PDE4B: variants seen among roughly 807,000 people sequenced by gnomAD.
PDE4B encodes phosphodiesterase 4B.
In PDE4B, 20 loss-of-function variants were observed where a neutral mutation model predicts 82.2. The observed-to-expected ratio is 0.24, with a 90% CI of 0.17 to 0.35. The LOEUF is 0.35. PDE4B is among the 10% of genes least tolerant of loss of function. The probability of loss-of-function intolerance (pLI) is 1.00; values close to 1 mark genes in which losing one functional copy is unlikely to be tolerated. For missense variants in PDE4B, 655 were observed against 907.2 expected (o/e 0.72, Z 3.57); for synonymous variants, 320 against 318.9 (o/e 1.00, Z -0.04).
At chr1:66,290,998 G>T (rs752277357) in intron 7 of PDE4B, among the ~76,000 whole-genome samples, 8 of 151,984 alleles carry the variant, frequency 5.3e-5, no homozygotes, top group Non-Finnish European at 1.2e-4. Flanking sequence ...CAGTGACCAG[G>T]GTACCTCCTC....
rs574446156 is a variant in PDE4B at position 65,914,611 on chromosome 1, A to G, written c.42+1255A>G. On this transcript the variant is annotated intron_variant, in intron 2 of 16. Coordinates refer to ENST00000341517, the MANE Select transcript of PDE4B (RefSeq NM_002600.4). Reference sequence around the variant, plus strand: ...TAGAAAACTTTTTTTCTTAAAAAAAAAAAAAAAGGCTTGTGATTGTCCCTT... The same window carrying G: ...TAGAAAACTTTTTTTCTTAAAAAAAGAAAAAAAGGCTTGTGATTGTCCCTT... Among the ~76,000 whole-genome samples the G allele has an allele frequency of 2.6e-5, 4 of 152,094 alleles. No individual in the cohort carries two copies. In the South Asian group the frequency reaches 6.2e-4, roughly 24 times the overall value.
intron 1 of PDE4B, among the ~76,000 whole-genome samples, chr1:65,849,650 A>G (rs1420131839): frequency 6.6e-6 from 1 of 152,160 alleles, no homozygotes; most frequent in African/African-American, 2.4e-5. Flanking sequence ...AGGGAATGCC[A>G]AGGGAAGCTG....
At chr1:65,848,456 T>C (rs999272047) in intron 1 of PDE4B, among the ~76,000 whole-genome samples, 1 of 12,404 alleles carries the variant, frequency 8.1e-5, no homozygotes, top group African/African-American at 1.6e-4. Context: ...GCTTGATAAA[T>C]TTTGACATAT....
chr1:66,121,412 G>A (rs993848931), intron 3 of PDE4B, among the ~76,000 whole-genome samples: 22 of 152,196 alleles, frequency 1.4e-4, no homozygotes, highest in African/African-American at 5.1e-4. Flanking sequence ...AAGGGAAATC[G>A]TGGGAAATGA....
intron 3 of PDE4B, among the ~76,000 whole-genome samples, chr1:66,172,759 T>A (rs1275696234): frequency 7.8e-6 from 1 of 128,256 alleles, no homozygotes; most frequent in South Asian, 2.8e-4. Context: ...CTTTCCTTTT[T>A]TCATCTCCTC....
intron 3 of PDE4B, among the ~76,000 whole-genome samples, chr1:66,189,556 T>C (rs1428895128): frequency 6.6e-6 from 1 of 152,224 alleles, no homozygotes; most frequent in East Asian, 1.9e-4. Context: ...TTCTCTATAC[T>C]TCTCTTCTCG....
At chr1:65,927,458 T>TTA (rs1200449583) in intron 3 of PDE4B, among the ~76,000 whole-genome samples, 6 of 146,682 alleles carry the variant, frequency 4.1e-5, no homozygotes, top group African/African-American at 1.2e-4. Context: ...ATAATATGTA[T>TTA]TATATATATA....
intron 1 of PDE4B, among the ~76,000 whole-genome samples, chr1:65,801,183 C>T (rs369908610): frequency 3.3e-5 from 5 of 152,096 alleles, no homozygotes; most frequent in East Asian, 1.9e-4. Context: ...GGCCATCTTG[C>T]AAGGATGAGG....
At chr1:65,876,083 G>A (rs1001885562) in intron 1 of PDE4B, among the ~76,000 whole-genome samples, 1 of 152,062 alleles carries the variant, frequency 6.6e-6, no homozygotes, top group African/African-American at 2.4e-5. Flanking sequence ...TGTGGGGGCG[G>A]AAGTTTTTTT....
At chr1:65,945,093 G>A (rs1433563142) in intron 3 of PDE4B, among the ~76,000 whole-genome samples, 2 of 151,978 alleles carry the variant, frequency 1.3e-5, no homozygotes, top group Admixed American at 1.3e-4. Context: ...TTGACTCCCT[G>A]CCCATGTGTT....
At chr1:66,087,762 G>C (rs2937269) in intron 3 of PDE4B, among the ~76,000 whole-genome samples, 2 of 150,806 alleles carry the variant, frequency 1.3e-5, no homozygotes, top group Admixed American at 1.3e-4. Flanking sequence ...GTAAACTATC[G>C]CAGGAACAAA....
chr1:65,955,476 G>A (rs1649209458), intron 3 of PDE4B, among the ~76,000 whole-genome samples: 1 of 152,098 alleles, frequency 6.6e-6, no homozygotes, highest in African/African-American at 2.4e-5. Flanking sequence ...AGAACTCACC[G>A]CAACAGCATA....
intron 3 of PDE4B, among the ~76,000 whole-genome samples, chr1:65,997,347 C>T (rs1043875178): frequency 6.6e-6 from 1 of 151,888 alleles, no homozygotes; most frequent in Non-Finnish European, 1.5e-5. Context: ...AATCTTTTCT[C>T]GTTTTAACAA....
At chr1:66,180,610 C>T (rs541746929) in intron 3 of PDE4B, among the ~76,000 whole-genome samples, 127 of 152,232 alleles carry the variant, frequency 8.3e-4, no homozygotes, top group African/African-American at 2.9e-3. Context: ...TTCAAAAAGG[C>T]AAAAGAGGTG....
intron 8 of PDE4B, among the ~76,000 whole-genome samples, chr1:66,334,356 A>G (rs2101924067): frequency 6.6e-6 from 1 of 152,318 alleles, no homozygotes; most frequent in Non-Finnish European, 1.5e-5. Context: ...TTCTAATCCC[A>G]TTCATGCCTA....
chr1:65,989,605 T>A (rs1162950659), intron 3 of PDE4B, among the ~76,000 whole-genome samples: 1 of 152,204 alleles, frequency 6.6e-6, no homozygotes, highest in African/African-American at 2.4e-5. Context: ...ATAAATTAAT[T>A]GGGAATTACT....
chr1:65,960,630 T>C (rs909695768), intron 3 of PDE4B, among the ~76,000 whole-genome samples: 3 of 152,096 alleles, frequency 2.0e-5, no homozygotes, highest in Non-Finnish European at 4.4e-5. Context: ...TAAAAATATA[T>C]ATAAAAATAT....
Position 65,875,966 on chromosome 1 carries a change from G to A in PDE4B, c.-70-37279G>A, listed in dbSNP as rs141239325. ...TAAAGTATAATTAAAAAAAAAATGG[G>A]GAAAAAAAAAGAAAGATTTTTTTCT... On this transcript the variant is annotated intron_variant, in intron 1 of 16. Transcript: ENST00000341517. Among the ~76,000 whole-genome samples, 1,368 of 151,124 alleles carry A rather than the reference G, an allele frequency of 9.1e-3. 22 individuals are homozygous for A. Among genetic ancestry groups the A allele is most frequent in the African/African-American group, 0.031 (1,266 of 41,148 alleles).
chr1:65,968,626 C>A (rs530214013), intron 3 of PDE4B, among the ~76,000 whole-genome samples: 137 of 152,194 alleles, frequency 9.0e-4, no homozygotes, highest in African/African-American at 3.2e-3. Flanking sequence ...AGATTAAACT[C>A]CTAAATTGCA....
Sources: gnomAD v4.1 joint callset for allele counts (sites outside exome capture counted in the v4.1 genomes callset) on GRCh38, gnomAD v4.1.1 for gene constraint, MANE v1.5 for transcripts, NCBI Gene and HGNC (gene_info 2026-07-23, HGNC 2026-07-21) for gene names.